Variants in CAPS2 observed in about 807,000 individuals in gnomAD.
CAPS2 encodes the protein calcyphosine 2.
In CAPS2, 98 loss-of-function variants were observed where a neutral mutation model predicts 86.5. That is an observed-to-expected ratio of 1.13 (90% confidence interval 0.96 to 1.34). The LOEUF (loss-of-function observed/expected upper bound fraction) is 1.34, where lower values mean the gene tolerates loss of function less well. Among genes scored for constraint, CAPS2 ranks in the 40% most tolerant of loss-of-function variants. The probability of loss-of-function intolerance (pLI) is 0.00; values close to 1 mark genes in which losing one functional copy is unlikely to be tolerated. For missense variants in CAPS2, 729 were observed against 686.8 expected (o/e 1.06, Z -0.69); for synonymous variants, 210 against 225.1 (o/e 0.93, Z 0.60).
At chr12:75,372,145 G>C (rs1161102185) in intron 1 of CAPS2, among the ~76,000 whole-genome samples, 1 of 152,210 alleles carries the variant, frequency 6.6e-6, no homozygotes, top group Non-Finnish European at 1.5e-5. Context: ...CTTCCGAGTA[G>C]CTGGGATTAC....
At chr12:75,290,659 T>C (rs1480261248) in intron 13 of CAPS2, among the ~76,000 whole-genome samples, 1 of 152,258 alleles carries the variant, frequency 6.6e-6, no homozygotes, top group Non-Finnish European at 1.5e-5. Context: ...TTCATGACTA[T>C]AATCCCAGCA....
intron 1 of CAPS2, among the ~76,000 whole-genome samples, chr12:75,375,100 G>T (rs868386390): frequency 1.3e-4 from 20 of 152,100 alleles, no homozygotes; most frequent in African/African-American, 4.8e-4. Flanking sequence ...CATCTCTAAT[G>T]GCTTCTTTTT....
At chr12:75,313,472 A>G (rs905756967) in intron 6 of CAPS2, among the ~76,000 whole-genome samples, 1 of 152,238 alleles carries the variant, frequency 6.6e-6, no homozygotes, top group Non-Finnish European at 1.5e-5. Context: ...TATTTAATAA[A>G]CTTTTCTCAA....
At chr12:75,340,732 TA>T (rs540433596) in intron 1 of CAPS2, among the ~76,000 whole-genome samples, 265 of 122,536 alleles carry the variant, frequency 2.2e-3, no homozygotes, top group Middle Eastern at 4.1e-3. Context: ...AACTCAACAG[TA>T]AAAAAAAAAA....
At chr12:75,381,994 A>G (rs2045019903) in intron 1 of CAPS2, among the ~76,000 whole-genome samples, 1 of 152,110 alleles carries the variant, frequency 6.6e-6, no homozygotes, top group Non-Finnish European at 1.5e-5. Flanking sequence ...CAGTTGCCCT[A>G]TTTTACATTT....
At chr12:75,339,604 G>A (rs139786522) in intron 1 of CAPS2, among the ~76,000 whole-genome samples, 58 of 152,098 alleles carry the variant, frequency 3.8e-4, no homozygotes, top group African/African-American at 1.3e-3. Context: ...GATACCATTT[G>A]TCCATTTTTG....
intron 1 of CAPS2, among the ~76,000 whole-genome samples, chr12:75,349,337 G>T (rs2042655673): frequency 6.6e-6 from 1 of 152,090 alleles, no homozygotes; most frequent in African/African-American, 2.4e-5. Flanking sequence ...TAAAAGCACA[G>T]AATTTTAAGA....
At chr12:75,317,596 C>A (rs1483461833) in intron 5 of CAPS2, among the ~76,000 whole-genome samples, 1 of 152,112 alleles carries the variant, frequency 6.6e-6, no homozygotes, top group Non-Finnish European at 1.5e-5. Flanking sequence ...ATCAGACTTC[C>A]TTACAGTCTT....
downstream of CAPS2, chr12:75,276,875 T>C (rs1593142940): frequency 3.9e-5 from 38 of 978,554 alleles, no homozygotes; most frequent in Non-Finnish European, 4.6e-5. Flanking sequence ...AAAGGTCTTT[T>C]AGAATTACAA....
intron 1 of CAPS2, among the ~76,000 whole-genome samples, chr12:75,341,099 T>C (rs1251070126): frequency 6.6e-6 from 1 of 152,038 alleles, no homozygotes; most frequent in Non-Finnish European, 1.5e-5. Context: ...TTCTGGGCAC[T>C]TTTTCCTTTT....
chr12:75,343,603 T>C, intron 1 of CAPS2: 1 of 1,003,568 alleles, frequency 1.0e-6, no homozygotes, highest in Non-Finnish European at 1.4e-6. Flanking sequence ...AAATAATAAA[T>C]TTAAGCAAAA....
intron 5 of CAPS2, among the ~76,000 whole-genome samples, chr12:75,318,784 C>A (rs1431525250): frequency 6.6e-6 from 1 of 151,834 alleles, no homozygotes; most frequent in Admixed American, 6.6e-5. Context: ...TTTCTCCTTG[C>A]CATTTCCTTC....
chr12:75,379,683 A>T (rs1319135538), intron 1 of CAPS2, among the ~76,000 whole-genome samples: 1 of 152,146 alleles, frequency 6.6e-6, no homozygotes, highest in Non-Finnish European at 1.5e-5. Flanking sequence ...GTCAAACTCA[A>T]GTAAGTGTGT....
chr12:75,289,122 T>C (rs2035405318), intron 14 of CAPS2, among the ~76,000 whole-genome samples: 1 of 152,176 alleles, frequency 6.6e-6, no homozygotes, highest in Non-Finnish European at 1.5e-5. Flanking sequence ...CCTCCAAGCT[T>C]TCACATGTGT....
intron 12 of CAPS2, 80 bp from the exon 13 acceptor site, chr12:75,291,900 C>T (rs1271539779): frequency 1.9e-6 from 1 of 531,440 alleles, no homozygotes; most frequent in Non-Finnish European, 3.1e-6. Flanking sequence ...CTAAGCTCTT[C>T]CCTGCTCCAG....
At chr12:75,299,863 T>G (rs531793088) in exon 9 of CAPS2, 1 of 1,532,524 alleles carries the variant, frequency 6.5e-7, no homozygotes, top group African/African-American at 1.4e-5. Context: ...CATCAAACTG[T>G]AATTTATGAG....
At position 75,322,955 on chromosome 12, in the gene CAPS2, T is replaced by C. The variant is rs1250406053; in HGVS notation, c.291+19A>G. On this transcript the variant is annotated intron_variant, in intron 4 of 16. Coordinates refer to ENST00000393284, the Ensembl canonical transcript of CAPS2. ...TTTAGAATAAAATTCTGAAAATTGATAAGCAAATAAATACTAACCAATTTA... is the reference window on the plus strand; with the variant it reads ...TTTAGAATAAAATTCTGAAAATTGACAAGCAAATAAATACTAACCAATTTA... 11 of 1,289,010 alleles carry C rather than the reference T, an allele frequency of 8.5e-6. No homozygotes were observed. In the East Asian group the frequency reaches 2.5e-4, roughly 30 times the overall value. 79.8% of individuals were successfully genotyped at this position (1,289,010 alleles called of 1,614,324 possible).
At chr12:75,289,044 T>G (rs780377059) in intron 14 of CAPS2, among the ~76,000 whole-genome samples, 1 of 152,162 alleles carries the variant, frequency 6.6e-6, no homozygotes, top group East Asian at 1.9e-4. Context: ...TTATTCACAG[T>G]GGAGGGAACA....
chr12:75,285,609 T>C lies in CAPS2; in HGVS notation c.1396-529A>G, dbSNP rs184214164. Among the ~76,000 whole-genome samples, 493 of 152,082 alleles carry C rather than the reference T, an allele frequency of 3.2e-3. 4 individuals carry two copies. The highest frequency in any genetic ancestry group is 0.015 in the South Asian group (74 of 4,822). Reference sequence around the variant, plus strand: ...TGACCAATTTTCCATTTTCCTTGTATACCACCCCTCTCCCCATGCTCTGGT... The same window carrying C: ...TGACCAATTTTCCATTTTCCTTGTACACCACCCCTCTCCCCATGCTCTGGT... On this transcript the variant is annotated intron_variant, in intron 14 of 16. Transcript: ENST00000393284.
Sources: allele counts gnomAD v4.1 joint callset (sites outside exome capture counted in the v4.1 genomes callset), GRCh38; gene constraint gnomAD v4.1.1; transcripts MANE v1.5; gene names NCBI Gene and HGNC (gene_info 2026-07-23, HGNC 2026-07-21).